The following PCSK5 variants were observed in gnomAD, a reference collection of about 807,000 sequenced individuals.
PCSK5 encodes the protein proprotein convertase subtilisin/kexin type 5, also known as prohormone convertase 5.
Under a neutral mutation model 233.2 loss-of-function variants are expected in PCSK5, and 129 were observed. The observed-to-expected ratio is 0.55, with a 90% confidence interval of 0.48 to 0.64. The LOEUF is 0.64. PCSK5 is among the 30% of genes least tolerant of loss of function. The pLI is 0.00. For missense variants in PCSK5, 2,076 were observed against 2,430.1 expected, an observed-to-expected ratio of 0.85 and a Z score of 3.06; for synonymous variants, 825 against 879.2, an observed-to-expected ratio of 0.94 and a Z score of 1.09.
At chr9:76,351,540 A>AG (rs1830159423) in intron 36 of PCSK5, among the ~76,000 whole-genome samples, 10 of 96,794 alleles carry the variant, frequency 1.0e-4, no homozygotes, top group African/African-American at 3.3e-4. Context: ...AAGGAAGGAA[A>AG]GAAAGAGAAA....
intron 7 of PCSK5, among the ~76,000 whole-genome samples, chr9:76,077,622 G>A (rs1043859803): frequency 3.9e-5 from 6 of 152,068 alleles, no homozygotes; most frequent in African/African-American, 1.2e-4. Flanking sequence ...AGTACCTAAT[G>A]TTTAGCTCCC....
At chr9:76,043,205 C>T (rs1217526043) in intron 5 of PCSK5, among the ~76,000 whole-genome samples, 1 of 151,632 alleles carries the variant, frequency 6.6e-6, no homozygotes, top group Non-Finnish European at 1.5e-5. Context: ...AATTACCGGG[C>T]GTGGTGGCGG....
intron 10 of PCSK5, among the ~76,000 whole-genome samples, chr9:76,147,502 C>T (rs969818987): frequency 5.3e-5 from 8 of 152,178 alleles, no homozygotes; most frequent in African/African-American, 1.9e-4. Context: ...GTGTGGTCCC[C>T]GGACCAACAA....
intron 21 of PCSK5, 93 bp from the exon 22 acceptor site, chr9:76,233,367 C>A: frequency 7.8e-7 from 1 of 1,276,270 alleles, no homozygotes; most frequent in Non-Finnish European, 1.1e-6. Context: ...GAAGTCAAAT[C>A]TGTCCAGCAA....
At chr9:76,210,013 GTGTATCA>G (rs1369637518) in intron 20 of PCSK5, among the ~76,000 whole-genome samples, 5 of 152,152 alleles carry the variant, frequency 3.3e-5, no homozygotes, top group Non-Finnish European at 5.9e-5. Flanking sequence ...AAGTGGGAGA[GTGTATCA>G]TGGGCTTGGG....
intron 22 of PCSK5, among the ~76,000 whole-genome samples, chr9:76,234,672 G>C (rs1471511591): frequency 1.3e-5 from 2 of 152,178 alleles, no homozygotes; most frequent in African/African-American, 4.8e-5. Context: ...ACAAGGTGAT[G>C]ATAATGCTTA....
chr9:76,335,029 G>A (rs904786374), intron 34 of PCSK5, among the ~76,000 whole-genome samples: 5 of 152,208 alleles, frequency 3.3e-5, no homozygotes, highest in African/African-American at 1.2e-4. Flanking sequence ...AGTGAGCCAA[G>A]ATCGCACCAC....
chr9:76,227,607 T>C lies in PCSK5; in HGVS notation c.2729+2T>C. ...CTGCACTACCTGCCCCATGACAAGG[T>C]AAGTGGCTTCTCAGGATCTCCCGGT... On this transcript the variant is annotated splice_donor_variant, in intron 21 of 37. Coordinates refer to ENST00000674117, the MANE Select transcript of PCSK5 (RefSeq NM_001372043.1). LOFTEE classifies it high-confidence loss of function. The C allele has an allele frequency of 6.3e-7, 1 of 1,599,312 alleles. No individual in the cohort carries two copies. Among genetic ancestry groups the C allele is most frequent in the Non-Finnish European group, 8.5e-7 (1 of 1,169,686 alleles).
chr9:76,258,740 A>G (rs1191031741), intron 24 of PCSK5, among the ~76,000 whole-genome samples: 1 of 152,216 alleles, frequency 6.6e-6, no homozygotes, highest in African/African-American at 2.4e-5. Flanking sequence ...GCAAAGGAGC[A>G]ACTGGAAAGT....
In PCSK5 at chr9:76,227,534, G is replaced by T. The variant is rs895027308; in HGVS notation, c.2658G>T (p.Gln886His). 1 of 1,612,126 alleles carries T rather than the reference G, an allele frequency of 6.2e-7. No individual in the cohort carries two copies. Among genetic ancestry groups the T allele is most frequent in the Admixed American group, 1.7e-5 (1 of 59,964 alleles). ...ATGTTGATGAGCATGGCCACTGCCA[G>T]ACCTGTGAGGCCTCATGTGCCAAGT... ...GEYVDEHGHC[Q>H]TCEASCAKCQ... The change falls in exon 21 of 38, where the codon CAG becomes CAT. Residue 886 changes from glutamine to histidine, a missense_variant. Physicochemically the swap from Gln to His is conservative, Grantham distance 24. This residue lies in a region of PCSK5 where 1,510 missense variants were observed against 1,538.1 expected (regional missense o/e 0.98). Transcript: ENST00000674117.
intron 3 of PCSK5, among the ~76,000 whole-genome samples, chr9:75,989,192 A>T (rs2131399408): frequency 6.6e-6 from 1 of 152,316 alleles, no homozygotes; most frequent in Middle Eastern, 3.4e-3. Flanking sequence ...TCCATGATTG[A>T]ATCAGTCAAA....
intron 22 of PCSK5, 23 bp from the exon 23 acceptor site, chr9:76,238,936 T>C (rs1826339431): frequency 2.6e-6 from 4 of 1,556,928 alleles, no homozygotes; most frequent in Non-Finnish European, 3.5e-6. Flanking sequence ...TTCCCTCTTT[T>C]CGTTGCCCCT....
intron 30 of PCSK5, 34 bp from the exon 31 acceptor site, chr9:76,321,371 ACTTCTCCAGCAGGTCAG>A: frequency 1.0e-6 from 1 of 982,194 alleles, no homozygotes; most frequent in Non-Finnish European, 1.6e-6. Context: ...GGAATGAGTC[ACTTCTCCAGCAGGTCAG>A]CTTCTCCAGT....
At chr9:76,042,028 A>G (rs1171870200) in intron 5 of PCSK5, among the ~76,000 whole-genome samples, 2 of 152,202 alleles carry the variant, frequency 1.3e-5, no homozygotes, top group Non-Finnish European at 2.9e-5. Context: ...TTGTTATTCT[A>G]CAGTGCTTGG....
At chr9:75,940,692 A>G (rs867893045) in intron 2 of PCSK5, among the ~76,000 whole-genome samples, 1 of 152,222 alleles carries the variant, frequency 6.6e-6, no homozygotes, top group Non-Finnish European at 1.5e-5. Flanking sequence ...ACTTCCCTGT[A>G]CATAATGGAG....
chr9:76,050,525 G>C (rs1022532310), intron 5 of PCSK5, among the ~76,000 whole-genome samples: 45 of 152,220 alleles, frequency 3.0e-4, no homozygotes, highest in African/African-American at 1.0e-3. Flanking sequence ...TAATTATGAT[G>C]ATGTGAAATT....
chr9:76,338,801 T>C (rs1346193832), intron 35 of PCSK5, among the ~76,000 whole-genome samples: 2 of 152,102 alleles, frequency 1.3e-5, no homozygotes, highest in Admixed American at 1.3e-4. Flanking sequence ...TGCCTCAAAC[T>C]CTCCCAAGCT....
At chr9:76,069,158 T>A (rs922167252) in intron 6 of PCSK5, among the ~76,000 whole-genome samples, 5 of 152,142 alleles carry the variant, frequency 3.3e-5, no homozygotes, top group African/African-American at 1.2e-4. Context: ...CTGCTATTTA[T>A]TAAGCACAAT....
chr9:76,126,025 C>T (rs1055552663), intron 9 of PCSK5, among the ~76,000 whole-genome samples: 2 of 152,248 alleles, frequency 1.3e-5, no homozygotes, highest in South Asian at 2.1e-4. Context: ...AGCATTTTGG[C>T]ATCCCAAGAT....
Sources: gnomAD v4.1 joint callset for allele counts (sites outside exome capture counted in the v4.1 genomes callset) on GRCh38, gnomAD v4.1.1 for gene constraint, gnomAD v4.1.1 regional missense constraint, MANE v1.5 for transcripts, NCBI Gene and HGNC (gene_info 2026-07-23, HGNC 2026-07-21) for gene names.